EOGT: variants seen among roughly 807,000 people sequenced by gnomAD.
EOGT encodes the protein EGF domain-specific O-linked N-acetylglucosamine transferase.
EOGT carries 55 observed loss-of-function variants against 70.5 expected under a neutral mutation model. The observed-to-expected ratio is 0.78, with a 90% CI of 0.63 to 0.98. The LOEUF (loss-of-function observed/expected upper bound fraction) is 0.98. Ranked by LOEUF, EOGT falls within the 50% of genes least tolerant of loss-of-function variation. The pLI, the probability that EOGT is intolerant of heterozygous loss-of-function variation, is 0.00. For missense variants in EOGT, 703 were observed against 641.9 expected, an observed-to-expected ratio of 1.10 and a Z score of -1.03; for synonymous variants, 246 against 217.1, an observed-to-expected ratio of 1.13 and a Z score of -1.17.
chr3:68,994,724 G>A (rs920472658), intron 10 of EOGT, among the ~76,000 whole-genome samples: 38 of 152,134 alleles, frequency 2.5e-4, no homozygotes, highest in African/African-American at 8.9e-4. Flanking sequence ...CTGGGAAGCG[G>A]AAGTTGCAGT....
chr3:69,004,404 A>C lies in EOGT; in HGVS notation c.594T>G (p.Gly198=). The C allele has an allele frequency of 6.2e-7, 1 of 1,613,996 alleles. No homozygotes were observed. The highest frequency in any genetic ancestry group is 8.5e-7 in the Non-Finnish European group (1 of 1,179,910). ...ATGACTGCAGAGGGCTTTTGCGCTGACCTTCAGACGTCAATGTACGGATGT... is the reference window on the plus strand; with the variant it reads ...ATGACTGCAGAGGGCTTTTGCGCTGCCCTTCAGACGTCAATGTACGGATGT... ...KLDIRTLTSE[G]QRKSPLQSWF... is the part of the protein sequence containing the mutation. Residue 198 remains glycine, a synonymous_variant, in exon 8 of 18, where the codon GGT becomes GGG. Transcript: ENST00000383701.
At chr3:69,003,016 T>C (rs537316354) in intron 8 of EOGT, among the ~76,000 whole-genome samples, 14 of 152,260 alleles carry the variant, frequency 9.2e-5, no homozygotes, top group African/African-American at 3.1e-4. Context: ...AAGTAACCTA[T>C]GTGACTATAC....
intron 10 of EOGT, among the ~76,000 whole-genome samples, chr3:68,992,910 T>C (rs1016278614): frequency 2.6e-5 from 4 of 152,214 alleles, no homozygotes; most frequent in Non-Finnish European, 5.9e-5. Flanking sequence ...AGCCACAGCC[T>C]GAGCTGTACA....
chr3:69,004,515 G>T (rs758000889), intron 7 of EOGT, 33 bp from the exon 8 acceptor site: 2 of 1,499,444 alleles, frequency 1.3e-6, no homozygotes, highest in Non-Finnish European at 1.9e-6. Flanking sequence ...GTTAAGTTCA[G>T]AAAACGTCTT....
Position 69,012,696 on chromosome 3 carries a change from C to T in EOGT, c.-252G>A, listed in dbSNP as rs2091607015. On this transcript the variant is annotated 5_prime_UTR_variant, in exon 2 of 18. It adds an upstream start codon to the 5' untranslated region. Transcript: ENST00000383701. The stretch of plus-strand genomic sequence containing the variant: ...AGGCCCGCCGGGATGGGTGGCTGCA[C>T]TCCTCCAGCACACGGACGCTTTACT... The T allele has an allele frequency of 6.6e-6, 1 of 152,386 alleles. No homozygotes were observed. The highest frequency in any genetic ancestry group is 2.1e-4 in the South Asian group (1 of 4,830). The allele number at this position is 152,386 out of a possible 1,614,324, so 9.4% of individuals were successfully genotyped here.
chr3:69,000,137 A>G (rs2091258637), intron 9 of EOGT, among the ~76,000 whole-genome samples: 1 of 152,094 alleles, frequency 6.6e-6, no homozygotes, highest in African/African-American at 2.4e-5. Flanking sequence ...AAGGTGGGAG[A>G]ATCACTTGAG....
intron 8 of EOGT, among the ~76,000 whole-genome samples, chr3:69,004,112 G>C (rs1324365835): frequency 6.6e-6 from 1 of 152,078 alleles, no homozygotes; most frequent in East Asian, 1.9e-4. Flanking sequence ...AATAAAACTT[G>C]GCAATTGTGA....
chr3:69,006,001 C>T (rs1487943013), intron 6 of EOGT, among the ~76,000 whole-genome samples: 1 of 152,140 alleles, frequency 6.6e-6, no homozygotes, highest in Non-Finnish European at 1.5e-5. Flanking sequence ...CTGCCAAATT[C>T]ATATGTTGAA....
intron 14 of EOGT, among the ~76,000 whole-genome samples, chr3:68,983,305 T>A (rs762565479): frequency 2.6e-5 from 4 of 152,232 alleles, no homozygotes; most frequent in Non-Finnish European, 5.9e-5. Context: ...TTTTGCCCCA[T>A]CCATTATCTC....
At chr3:68,993,115 G>C (rs7614090) in intron 10 of EOGT, among the ~76,000 whole-genome samples, 1 of 152,138 alleles carries the variant, frequency 6.6e-6, no homozygotes, top group East Asian at 1.9e-4. Context: ...GTCTTGGGAA[G>C]TAACATTAGG....
In EOGT at chr3:68,988,319, T is replaced by G; in HGVS notation, c.1059A>C (p.Leu353=). The part of the protein sequence containing the change: ...RAFAQHVLHR[L]NITQEGPKDG... Reference sequence around the variant, plus strand: ...CCTTAGGTCCTTCTTGTGTGATGTTTAGTCTGTGTAGTACATGCTGGGCAA... The same window carrying G: ...CCTTAGGTCCTTCTTGTGTGATGTTGAGTCTGTGTAGTACATGCTGGGCAA... The change falls in exon 13 of 18, where the codon CTA becomes CTC. Residue 353 remains leucine, a synonymous_variant. Transcript: ENST00000383701. The G allele has an allele frequency of 6.5e-7, 1 of 1,536,028 alleles. No individual in the cohort carries two copies. Among genetic ancestry groups the G allele is most frequent in the South Asian group, 1.2e-5 (1 of 84,046 alleles).
chr3:68,983,258 A>G (rs2090702472), intron 14 of EOGT, among the ~76,000 whole-genome samples: 1 of 152,240 alleles, frequency 6.6e-6, no homozygotes, highest in South Asian at 2.1e-4. Context: ...TTTGGGCATC[A>G]GAATGCCCAA....
chr3:68,980,987 C>T (rs1188657583), intron 15 of EOGT, among the ~76,000 whole-genome samples: 1 of 152,202 alleles, frequency 6.6e-6, no homozygotes, highest in East Asian at 1.9e-4. Context: ...TCCATTTCTT[C>T]CCAGCCTCAT....
At position 68,988,936 on chromosome 3, in the gene EOGT, C is replaced by CG; in HGVS notation, c.912_913insC (p.Asp305ArgfsTer8). ...AAAATTTCCAGTACCCTTTTGGAAT[C>CG]ATAAGTTTTCAAATGTATAACGTCA... On this transcript the variant is annotated frameshift_variant, in exon 11 of 18. Coordinates refer to ENST00000383701, the MANE Select transcript of EOGT (RefSeq NM_001278689.2). LOFTEE classifies it high-confidence loss of function. 3 of 1,518,124 alleles carry CG rather than the reference C, an allele frequency of 2.0e-6. No homozygotes were observed. Among genetic ancestry groups the CG allele is most frequent in the South Asian group, 2.4e-5 (2 of 81,982 alleles). 94.0% of individuals were successfully genotyped at this position (1,518,124 alleles called of 1,614,324 possible). A position where few individuals can be genotyped will look rare whatever the true frequency, so the allele number is the denominator to read the frequency against.
chr3:68,981,954 C>T (rs112947197), intron 15 of EOGT, among the ~76,000 whole-genome samples: 6,076 of 151,742 alleles, frequency 0.04, 336 homozygotes, highest in African/African-American at 0.12. Flanking sequence ...TCACACAGGC[C>T]GGAGTGCAAT....
intron 16 of EOGT, 25 bp downstream of exon 16, chr3:68,979,643 T>G: frequency 3.1e-6 from 5 of 1,611,518 alleles, no homozygotes; most frequent in Non-Finnish European, 4.2e-6. Flanking sequence ...GTTGCTTCAG[T>G]GTAAAACTGC....
rs1402886588 is a variant in EOGT at position 69,009,800 on chromosome 3, A to G, written c.47T>C (p.Leu16Pro). Reference sequence around the variant, plus strand: ...AGGAGGAGCTTCATTCTGACCACTCAGTGAGACTTCATGAAGTAAGACTCC... The same window carrying G: ...AGGAGGAGCTTCATTCTGACCACTCGGTGAGACTTCATGAAGTAAGACTCC... ...VFGVLLHEVS[L>P]SGQNEAPPNT... Residue 16 changes from leucine to proline, a missense_variant, in exon 4 of 18, where the codon CTG becomes CCG. Transcript: ENST00000383701. 6.2e-7 allele frequency: 1 copy of G among 1,614,088 alleles called. No individual in the cohort carries two copies. The highest frequency in any genetic ancestry group is 1.1e-5 in the South Asian group (1 of 91,082).
At chr3:68,996,586 T>C (rs1336773033) in intron 10 of EOGT, among the ~76,000 whole-genome samples, 1 of 152,170 alleles carries the variant, frequency 6.6e-6, no homozygotes, top group Non-Finnish European at 1.5e-5. Flanking sequence ...TGTCAGGAGA[T>C]GTTGGCCCCT....
At chr3:68,980,898 C>G (rs2090620974) in intron 15 of EOGT, among the ~76,000 whole-genome samples, 1 of 152,154 alleles carries the variant, frequency 6.6e-6, no homozygotes. Flanking sequence ...CATTATCATT[C>G]TTGCTTATCT....
Sources: gnomAD v4.1 joint callset for allele counts (sites outside exome capture counted in the v4.1 genomes callset) on GRCh38, gnomAD v4.1.1 for gene constraint, MANE v1.5 for transcripts, NCBI Gene and HGNC (gene_info 2026-07-23, HGNC 2026-07-21) for gene names.